The following SOX5 variants were observed in gnomAD, a reference collection of about 807,000 sequenced individuals.
The protein encoded by SOX5 is transcription factor SOX-5.
SOX5 carries 9 observed loss-of-function variants against 92.0 expected under a neutral mutation model. The ratio of observed to expected loss-of-function variants is 0.10; its 90% CI spans 0.06 to 0.17. The LOEUF (loss-of-function observed/expected upper bound fraction) is 0.17. Among genes scored for constraint, SOX5 ranks in the 10% least tolerant of loss-of-function variants. The pLI is 1.00. For missense variants in SOX5, 642 were observed against 944.5 expected (o/e 0.68, Z 4.20); for synonymous variants, 344 against 336.3 (o/e 1.02, Z -0.25).
chr12:23,625,809 A>G lies in SOX5; in HGVS notation c.1017+15003T>C, dbSNP rs190328971. Among the ~76,000 whole-genome samples the G allele has an allele frequency of 7.2e-3, 1,091 of 152,194 alleles. 9 individuals are homozygous for G. The highest frequency in any genetic ancestry group is 0.023 in the African/African-American group (974 of 41,552). On this transcript the variant is annotated intron_variant, in intron 8 of 14. Transcript: ENST00000451604. ...TTTTTAATAGAGATGGGGTTTCACC[A>G]TGTTGGTCAGGCTGGTCTTGAACTC...
intron 2 of SOX5, among the ~76,000 whole-genome samples, chr12:24,355,052 G>GGT (rs1286953868): frequency 6.6e-6 from 1 of 152,006 alleles, no homozygotes; most frequent in Non-Finnish European, 1.5e-5. Flanking sequence ...AGATTTTAGG[G>GGT]GTGGAAAAGA....
chr12:23,786,295 T>A (rs1300942909), intron 3 of SOX5, among the ~76,000 whole-genome samples: 1 of 152,000 alleles, frequency 6.6e-6, no homozygotes, highest in African/African-American at 2.4e-5. Context: ...TTTTAGGCAG[T>A]AAGTTCAAAC....
chr12:23,535,379 G>A (rs540269249), intron 14 of SOX5, among the ~76,000 whole-genome samples: 22 of 152,290 alleles, frequency 1.4e-4, no homozygotes, highest in African/African-American at 2.2e-4. Context: ...CAGCTTCATG[G>A]ATGTACAAAC....
intron 1 of SOX5, among the ~76,000 whole-genome samples, chr12:24,442,464 CAA>C (rs1193117191): frequency 1.3e-5 from 2 of 152,042 alleles, no homozygotes; most frequent in African/African-American, 4.8e-5. Flanking sequence ...TGCTACAAAC[CAA>C]AGAGAAAAAT....
chr12:23,635,675 T>C (rs1373187554), intron 8 of SOX5, among the ~76,000 whole-genome samples: 1 of 151,990 alleles, frequency 6.6e-6, no homozygotes, highest in East Asian at 1.9e-4. Flanking sequence ...AGTATAATAA[T>C]AATTTAAAAA....
chr12:23,688,814 C>A (rs2088154640), intron 6 of SOX5, among the ~76,000 whole-genome samples: 1 of 152,030 alleles, frequency 6.6e-6, no homozygotes, highest in Admixed American at 6.6e-5. Context: ...GTCAGGAATT[C>A]TTTCTTGTGT....
intron 9 of SOX5, among the ~76,000 whole-genome samples, chr12:23,576,197 T>A (rs1949079949): frequency 6.6e-6 from 1 of 151,992 alleles, no homozygotes; most frequent in Non-Finnish European, 1.5e-5. Context: ...AGGTTTTTTT[T>A]TTAATCTCCA....
chr12:23,724,455 A>AT (rs900399513), intron 6 of SOX5, among the ~76,000 whole-genome samples: 1 of 152,170 alleles, frequency 6.6e-6, no homozygotes, highest in Non-Finnish European at 1.5e-5. Flanking sequence ...AAGAGATCAT[A>AT]TTTTTTCCCT....
chr12:24,111,778 G>T (rs1947376531), intron 4 of SOX5, among the ~76,000 whole-genome samples: 1 of 152,076 alleles, frequency 6.6e-6, no homozygotes, highest in Non-Finnish European at 1.5e-5. Flanking sequence ...GACTCATGAG[G>T]CCCTCAAAAA....
chr12:24,003,770 T>G (rs1370871227), intron 4 of SOX5, among the ~76,000 whole-genome samples: 1 of 54,376 alleles, frequency 1.8e-5, no homozygotes, highest in Non-Finnish European at 4.6e-5. Flanking sequence ...TGCCAGCAGG[T>G]TTTTTTTTTG....
At chr12:23,795,341 C>T (rs2095543989) in intron 3 of SOX5, among the ~76,000 whole-genome samples, 1 of 151,866 alleles carries the variant, frequency 6.6e-6, no homozygotes. Flanking sequence ...ATTCTGGCAA[C>T]AGATGCTCTA....
intron 4 of SOX5, among the ~76,000 whole-genome samples, chr12:23,741,690 T>C (rs2093802769): frequency 6.6e-6 from 1 of 152,172 alleles, no homozygotes; most frequent in Non-Finnish European, 1.5e-5. Context: ...AGAGTCTATC[T>C]TCGAAAATAA....
chr12:23,589,433 G>A (rs185443240), intron 9 of SOX5, among the ~76,000 whole-genome samples: 73 of 151,950 alleles, frequency 4.8e-4, no homozygotes, highest in Non-Finnish European at 5.9e-5. Context: ...GCATAAAACA[G>A]ACTGCCAATT....
At position 24,287,591 on chromosome 12, in the gene SOX5, CCT is replaced by C. The variant is rs1491549900; in HGVS notation, c.-173-10281_-173-10280del. Among the ~76,000 whole-genome samples, 5 of 82,282 alleles carry C rather than the reference CCT, an allele frequency of 6.1e-5. No individual in the cohort carries two copies. The South Asian group carries it at 1.8e-3, about 29-fold the overall frequency. 54.0% of individuals were successfully genotyped at this position (82,282 alleles called of 152,430 possible). The stretch of plus-strand genomic sequence containing the variant: ...ATCTTAAAAACAGTGATTCTCAAAT[CCT>C]TTTTTTTTTTTTTTTTTTTTTTTTG... On this transcript the variant is annotated intron_variant, in intron 2 of 4. Transcript: ENST00000446891.
At chr12:24,505,948 G>T (rs547056363) in intron 1 of SOX5, among the ~76,000 whole-genome samples, 1 of 151,824 alleles carries the variant, frequency 6.6e-6, no homozygotes, top group East Asian at 1.9e-4. Context: ...TGAACACCTC[G>T]CATTATGAAT....
At chr12:23,797,160 T>C (rs558476743) in intron 3 of SOX5, among the ~76,000 whole-genome samples, 1 of 152,028 alleles carries the variant, frequency 6.6e-6, no homozygotes, top group Non-Finnish European at 1.5e-5. Context: ...CCTCTTCTTT[T>C]GGTACCTTAA....
chr12:24,362,425 C>G (rs939597725), intron 2 of SOX5, among the ~76,000 whole-genome samples: 4 of 152,202 alleles, frequency 2.6e-5, no homozygotes, highest in Non-Finnish European at 4.4e-5. Flanking sequence ...CTTGTATTTT[C>G]AGTCACCGTA....
chr12:24,320,184 T>C (rs1347545167), intron 2 of SOX5, among the ~76,000 whole-genome samples: 1 of 152,250 alleles, frequency 6.6e-6, no homozygotes, highest in Non-Finnish European at 1.5e-5. Context: ...AAAGTATTAC[T>C]TTAATAGGCA....
chr12:23,928,364 T>A (rs771145202), intron 1 of SOX5, among the ~76,000 whole-genome samples: 1 of 151,994 alleles, frequency 6.6e-6, no homozygotes, highest in South Asian at 2.1e-4. Context: ...AGGAATTTTA[T>A]GGGAATTGAT....
Sources: allele counts gnomAD v4.1 joint callset (sites outside exome capture counted in the v4.1 genomes callset), GRCh38; gene constraint gnomAD v4.1.1; transcripts MANE v1.5; gene names NCBI Gene and HGNC (gene_info 2026-07-23, HGNC 2026-07-21).